COL25A1: variants seen among roughly 807,000 people sequenced by gnomAD.
COL25A1 encodes collagen alpha-1(XXV) chain.
In COL25A1, 103 loss-of-function variants were observed where a neutral mutation model predicts 128.4. That is an observed-to-expected ratio of 0.80 (90% confidence interval 0.68 to 0.94). The LOEUF (loss-of-function observed/expected upper bound fraction) is 0.94, where lower values mean the gene tolerates loss of function less well. COL25A1 is among the 40% of genes least tolerant of loss of function. The probability of loss-of-function intolerance (pLI) is 0.00; values close to 1 mark genes in which losing one functional copy is unlikely to be tolerated. For synonymous variants in COL25A1, 279 were observed against 277.2 expected (o/e 1.01, Z -0.06); for missense variants, 745 against 840.0 (o/e 0.89, Z 1.40).
At chr4:109,184,743 A>G (rs933258871) in intron 3 of COL25A1, among the ~76,000 whole-genome samples, 6 of 152,178 alleles carry the variant, frequency 3.9e-5, no homozygotes, top group African/African-American at 9.7e-5. Context: ...AGGGCAGAAG[A>G]GCTCTCCGAG....
At chr4:108,853,508 A>T (rs2125776161) in intron 24 of COL25A1, among the ~76,000 whole-genome samples, 1 of 152,034 alleles carries the variant, frequency 6.6e-6, no homozygotes, top group East Asian at 1.9e-4. Context: ...ATGAGTTTTT[A>T]AAATTTATTG....
chr4:109,204,073 A>G (rs1276680187), intron 3 of COL25A1, among the ~76,000 whole-genome samples: 3 of 152,194 alleles, frequency 2.0e-5, no homozygotes, highest in Non-Finnish European at 4.4e-5. Flanking sequence ...CAAGCTTATT[A>G]TTAGAAATAG....
chr4:109,256,085 GGTGTGTGTGTGTGTGTGTGT>G lies in COL25A1; in HGVS notation c.367+44478_367+44497del, dbSNP rs60794002. ...TGTGGATATTAACATTTTAAGCATT[GGTGTGTGTGTGTGTGTGTGT>G]GTGTGTGTGTGTGTGTTTGAGTACA... On this transcript the variant is annotated intron_variant, in intron 3 of 37. Transcript: ENST00000399132. Among the ~76,000 whole-genome samples the G allele has an allele frequency of 2.5e-3, 357 of 143,350 alleles. 9 individuals carry two copies. The East Asian group carries it at 0.061, about 24-fold the overall frequency. 94.0% of individuals were successfully genotyped at this position (143,350 alleles called of 152,430 possible).
chr4:108,899,679 A>C (rs1742585851), intron 14 of COL25A1, among the ~76,000 whole-genome samples: 1 of 152,046 alleles, frequency 6.6e-6, no homozygotes. Context: ...AAATAGTCCT[A>C]ATCTTGAACC....
intron 33 of COL25A1, 123 bp downstream of exon 33, chr4:108,827,009 GATA>G (rs1476361046): frequency 7.5e-6 from 6 of 795,682 alleles, no homozygotes; most frequent in East Asian, 2.7e-5. Context: ...TGAATTTATA[GATA>G]ATGAGTGGAT....
At chr4:108,844,700 T>C (rs1336337591) in intron 29 of COL25A1, 131 bp from the exon 30 acceptor site, 6 of 1,307,390 alleles carry the variant, frequency 4.6e-6, no homozygotes, top group East Asian at 5.2e-5. Flanking sequence ...GAATAAGTGA[T>C]GTGTTTGATT....
chr4:109,088,352 C>T (rs942618584), intron 3 of COL25A1, among the ~76,000 whole-genome samples: 8 of 152,292 alleles, frequency 5.3e-5, no homozygotes, highest in African/African-American at 1.9e-4. Flanking sequence ...CAAAACTGAA[C>T]TGAGGCTAAA....
intron 3 of COL25A1, among the ~76,000 whole-genome samples, chr4:109,103,206 A>G (rs543508320): frequency 6.6e-6 from 1 of 152,196 alleles, no homozygotes; most frequent in Non-Finnish European, 1.5e-5. Flanking sequence ...AACAAATAAG[A>G]AACCATAATA....
chr4:108,969,577 G>T (rs376359193), intron 8 of COL25A1, among the ~76,000 whole-genome samples: 61 of 152,090 alleles, frequency 4.0e-4, no homozygotes, highest in Non-Finnish European at 6.9e-4. Flanking sequence ...CCGTATTTTG[G>T]TGACCACTTT....
At chr4:109,239,675 A>G (rs778728559) in intron 3 of COL25A1, among the ~76,000 whole-genome samples, 33 of 151,684 alleles carry the variant, frequency 2.2e-4, no homozygotes, top group Non-Finnish European at 3.8e-4. Context: ...ACATTACTGT[A>G]CACCACTGTA....
At chr4:109,297,962 T>C (rs1241970638) in intron 3 of COL25A1, among the ~76,000 whole-genome samples, 1 of 139,396 alleles carries the variant, frequency 7.2e-6, no homozygotes, top group Non-Finnish European at 1.5e-5. Context: ...TAGTACTAGA[T>C]CCAGGATTCC....
At chr4:109,294,313 T>C (rs1036615724) in intron 3 of COL25A1, among the ~76,000 whole-genome samples, 3 of 152,126 alleles carry the variant, frequency 2.0e-5, no homozygotes, top group Admixed American at 1.3e-4. Context: ...TGGAGGAATA[T>C]ATGATGCCAA....
chr4:109,105,106 C>T (rs571639755), intron 3 of COL25A1, among the ~76,000 whole-genome samples: 1 of 152,048 alleles, frequency 6.6e-6, no homozygotes, highest in Non-Finnish European at 1.5e-5. Flanking sequence ...ACTGTGGAGG[C>T]TAGTTGGGGA....
At chr4:108,830,988 T>G (rs1380243920) in intron 32 of COL25A1, among the ~76,000 whole-genome samples, 1 of 152,284 alleles carries the variant, frequency 6.6e-6, no homozygotes, top group African/African-American at 2.4e-5. Flanking sequence ...TCAGATTACA[T>G]GTTCCCTTAG....
intron 31 of COL25A1, among the ~76,000 whole-genome samples, chr4:108,836,327 G>A (rs2125739741): frequency 1.3e-5 from 2 of 152,256 alleles, no homozygotes; most frequent in Admixed American, 1.3e-4. Context: ...AAATCAGATT[G>A]AAAGTTTAAA....
At chr4:108,980,500 A>T (rs748824893) in intron 6 of COL25A1, among the ~76,000 whole-genome samples, 1 of 152,248 alleles carries the variant, frequency 6.6e-6, no homozygotes, top group Non-Finnish European at 1.5e-5. Context: ...TGAATCAAAT[A>T]GAGTTTAAAT....
At chr4:108,972,963 T>C (rs990351190) in intron 8 of COL25A1, among the ~76,000 whole-genome samples, 1 of 152,194 alleles carries the variant, frequency 6.6e-6, no homozygotes, top group Admixed American at 6.5e-5. Context: ...CACACCTTTT[T>C]GAAAATGAGG....
At chr4:109,031,600 T>C (rs794139) in intron 5 of COL25A1, among the ~76,000 whole-genome samples, 28,493 of 152,048 alleles carry the variant, frequency 0.19, 3,517 homozygotes, top group African/African-American at 0.34. Flanking sequence ...ACTCAGGCAG[T>C]TCCAGCGAGA....
Position 108,939,009 on chromosome 4 carries a change from A to G in COL25A1, c.673-1166T>C, listed in dbSNP as rs117596424. The stretch of plus-strand genomic sequence containing the variant: ...CATTTCTTACTTACATAAATAAACT[A>G]TATTCATTTAAAGAATGATATAATT... On this transcript the variant is annotated intron_variant, in intron 10 of 37. Transcript: ENST00000399132. Among the ~76,000 whole-genome samples, 716 of 152,376 alleles carry G rather than the reference A, an allele frequency of 4.7e-3. 15 individuals carry two copies. In the East Asian group the frequency reaches 0.063, roughly 13 times the overall value.
Sources: gnomAD v4.1 joint callset for allele counts (sites outside exome capture counted in the v4.1 genomes callset) on GRCh38, gnomAD v4.1.1 for gene constraint, MANE v1.5 for transcripts, NCBI Gene and HGNC (gene_info 2026-07-23, HGNC 2026-07-21) for gene names.